Variants in TAS2R1 observed in about 807,000 individuals in gnomAD.
The protein encoded by TAS2R1 is taste receptor type 2 member 1.
For synonymous variants in TAS2R1, 141 were observed against 134.2 expected, an observed-to-expected ratio of 1.05 and a Z score of -0.35; for missense variants, 370 against 353.4, an observed-to-expected ratio of 1.05 and a Z score of -0.38.
At chr5:9,727,719 T>A in the TAS2R1 span, among the ~76,000 whole-genome samples, 1 of 152,104 alleles carries the variant, frequency 6.6e-6, no homozygotes, top group African/African-American at 2.4e-5. Context: ...AGCAGAGACC[T>A]GGCCCCAGGT....
At chr5:9,660,776 T>C (rs1740517671) in intron 1 of TAS2R1, among the ~76,000 whole-genome samples, 1 of 152,052 alleles carries the variant, frequency 6.6e-6, no homozygotes, top group Non-Finnish European at 1.5e-5. Context: ...GTTCTTAAAA[T>C]AGGAAGGGGA....
chr5:9,862,023 C>T, the TAS2R1 span, among the ~76,000 whole-genome samples: 1 of 152,214 alleles, frequency 6.6e-6, no homozygotes, highest in East Asian at 1.9e-4. Context: ...AAACCGAGAA[C>T]TGCTGCCAGA....
intron 1 of TAS2R1, among the ~76,000 whole-genome samples, chr5:9,681,246 T>C (rs1282857481): frequency 6.6e-6 from 1 of 152,058 alleles, no homozygotes; most frequent in Non-Finnish European, 1.5e-5. Flanking sequence ...AAATGTACTC[T>C]ATTAATGTAA....
chr5:9,887,670 G>C, the TAS2R1 span, among the ~76,000 whole-genome samples: 17 of 152,286 alleles, frequency 1.1e-4, no homozygotes, highest in Middle Eastern at 0.017. Flanking sequence ...CCATGTGCTT[G>C]TTACCAGGCT....
At chr5:9,697,077 G>A (rs749919841) in intron 1 of TAS2R1, among the ~76,000 whole-genome samples, 9 of 151,920 alleles carry the variant, frequency 5.9e-5, no homozygotes, top group Non-Finnish European at 1.2e-4. Flanking sequence ...AGGACGAGGA[G>A]AAGGAGAAAG....
chr5:9,648,018 A>G (rs1393504774), intron 2 of TAS2R1, among the ~76,000 whole-genome samples: 1 of 152,186 alleles, frequency 6.6e-6, no homozygotes, highest in Non-Finnish European at 1.5e-5. Context: ...CCATGAAAAA[A>G]GTACTTTTGG....
the TAS2R1 span, among the ~76,000 whole-genome samples, chr5:9,727,682 AGT>A: frequency 7.9e-5 from 12 of 152,314 alleles, no homozygotes; most frequent in East Asian, 2.3e-3. Context: ...GCTGACAAGG[AGT>A]GCAGGACAGC....
chr5:9,665,325 C>T (rs1286572440), intron 1 of TAS2R1, among the ~76,000 whole-genome samples: 10 of 152,224 alleles, frequency 6.6e-5, no homozygotes, highest in Admixed American at 5.9e-4. Context: ...ATAATCTCCT[C>T]ATCTCGAAAT....
the TAS2R1 span, among the ~76,000 whole-genome samples, chr5:9,831,692 T>A: frequency 4.6e-5 from 7 of 152,118 alleles, no homozygotes; most frequent in Non-Finnish European, 7.4e-5. Flanking sequence ...TTTTTAGATT[T>A]CTGTTTCATC....
chr5:9,742,277 C>A, the TAS2R1 span, among the ~76,000 whole-genome samples: 1 of 152,160 alleles, frequency 6.6e-6, no homozygotes, highest in Non-Finnish European at 1.5e-5. Context: ...AAAGACAGCT[C>A]TCATTCACCC....
intron 2 of TAS2R1, among the ~76,000 whole-genome samples, chr5:9,649,963 A>C (rs888485346): frequency 2.0e-5 from 3 of 152,146 alleles, no homozygotes; most frequent in African/African-American, 7.2e-5. Context: ...CTGCAGGTAA[A>C]TTTCCAATTA....
the TAS2R1 span, among the ~76,000 whole-genome samples, chr5:9,834,951 A>G: frequency 6.6e-6 from 1 of 152,170 alleles, no homozygotes; most frequent in Non-Finnish European, 1.5e-5. Context: ...TAAATGTTAG[A>G]AAGCATTTAA....
intron 1 of TAS2R1, among the ~76,000 whole-genome samples, chr5:9,705,996 A>T (rs1024845654): frequency 3.3e-5 from 5 of 152,202 alleles, no homozygotes; most frequent in African/African-American, 4.8e-5. Context: ...CCTTAGGTGG[A>T]TCCAACAGAT....
the TAS2R1 span, among the ~76,000 whole-genome samples, chr5:9,751,677 A>C: frequency 6.6e-6 from 1 of 152,244 alleles, no homozygotes; most frequent in South Asian, 2.1e-4. Context: ...AGTTTCCTCC[A>C]AATGAGATTA....
chr5:9,855,797 G>A, the TAS2R1 span, among the ~76,000 whole-genome samples: 6 of 152,196 alleles, frequency 3.9e-5, no homozygotes, highest in Non-Finnish European at 5.9e-5. Flanking sequence ...AAAATCATAA[G>A]TATTTACCAC....
At chr5:9,820,340 G>A in the TAS2R1 span, among the ~76,000 whole-genome samples, 2 of 152,222 alleles carry the variant, frequency 1.3e-5, no homozygotes, top group African/African-American at 2.4e-5. Context: ...TTGTCAGAAC[G>A]CCTATCTCTG....
At chr5:9,896,111 C>T in the TAS2R1 span, among the ~76,000 whole-genome samples, 1 of 152,160 alleles carries the variant, frequency 6.6e-6, no homozygotes, top group African/African-American at 2.4e-5. Flanking sequence ...TATATGGATC[C>T]TGAGAGACCT....
At chr5:9,734,757 C>T in the TAS2R1 span, among the ~76,000 whole-genome samples, 2 of 151,984 alleles carry the variant, frequency 1.3e-5, no homozygotes, top group East Asian at 3.9e-4. Flanking sequence ...GCCAGGCCAC[C>T]TTACTCCACA....
chr5:9,838,503 A>C, the TAS2R1 span, among the ~76,000 whole-genome samples: 1 of 152,194 alleles, frequency 6.6e-6, no homozygotes, highest in South Asian at 2.1e-4. Flanking sequence ...AAAGCTACAA[A>C]GCAGGTTGCC....
Sources: allele counts gnomAD v4.1 joint callset (sites outside exome capture counted in the v4.1 genomes callset), GRCh38; gene constraint gnomAD v4.1.1; transcripts MANE v1.5; gene names NCBI Gene and HGNC (gene_info 2026-07-23, HGNC 2026-07-21).